NLGN1: variants seen among roughly 807,000 people sequenced by gnomAD.
The protein encoded by NLGN1 is neuroligin-1.
In NLGN1, 12 loss-of-function variants were observed where a neutral mutation model predicts 65.5. That is an observed-to-expected ratio of 0.18 (90% CI 0.12 to 0.30). NLGN1 has a LOEUF of 0.30. NLGN1 is among the 10% of genes least tolerant of loss of function. NLGN1 has a pLI of 1.00. For missense variants in NLGN1, 750 were observed against 1,007.1 expected (o/e 0.74, Z 3.46); for synonymous variants, 350 against 359.5 (o/e 0.97, Z 0.30).
intron 2 of NLGN1, among the ~76,000 whole-genome samples, chr3:173,488,436 G>A (rs1243236950): frequency 6.6e-6 from 1 of 151,824 alleles, no homozygotes; most frequent in Non-Finnish European, 1.5e-5. Context: ...TTTTCTTGAT[G>A]TGCGTTCTTT....
chr3:174,283,289 T>C (rs1248882326), exon 7 of NLGN1: 1 of 151,370 alleles, frequency 6.6e-6, no homozygotes, highest in South Asian at 2.1e-4. Flanking sequence ...AAGATGAAAC[T>C]CATAAAAATT....
intron 3 of NLGN1, among the ~76,000 whole-genome samples, chr3:173,754,024 C>CTTTTTTTTTTTTTTTTTTT (rs71162358): frequency 3.3e-5 from 4 of 121,618 alleles, no homozygotes; most frequent in Non-Finnish European, 5.0e-5. Context: ...TCTTTCTTTT[C>CTTTTTTTTTTTTTTTTTTT]TTTTTTTTTT....
At chr3:173,657,895 T>C (rs77381671) in intron 3 of NLGN1, among the ~76,000 whole-genome samples, 410 of 151,984 alleles carry the variant, frequency 2.7e-3, no homozygotes, top group African/African-American at 9.6e-3. Context: ...TTTTTTCATA[T>C]AAAATCTGAT....
chr3:173,983,089 C>T (rs566413281), intron 4 of NLGN1, among the ~76,000 whole-genome samples: 60 of 152,110 alleles, frequency 3.9e-4, no homozygotes, highest in African/African-American at 1.3e-3. Flanking sequence ...TACAAGTTTT[C>T]GAGTTCTTCT....
chr3:173,978,604 G>A (rs1718047006), intron 4 of NLGN1, among the ~76,000 whole-genome samples: 1 of 151,882 alleles, frequency 6.6e-6, no homozygotes, highest in African/African-American at 2.4e-5. Flanking sequence ...TAGCAGTCAA[G>A]AAGAAGAAAA....
chr3:174,266,616 T>A (rs968934699), intron 4 of NLGN1, among the ~76,000 whole-genome samples: 2 of 152,182 alleles, frequency 1.3e-5, no homozygotes, highest in African/African-American at 4.8e-5. Context: ...TATTTTAAGT[T>A]CTTCAAGAAA....
intron 4 of NLGN1, among the ~76,000 whole-genome samples, chr3:173,918,525 C>T (rs745809178): frequency 2.0e-5 from 3 of 147,956 alleles, no homozygotes; most frequent in Non-Finnish European, 4.5e-5. Flanking sequence ...CCCAGCTACT[C>T]GGGAGGCTGA....
chr3:174,167,326 G>T (rs375222394), intron 4 of NLGN1, among the ~76,000 whole-genome samples: 5 of 151,880 alleles, frequency 3.3e-5, no homozygotes, highest in African/African-American at 1.2e-4. Flanking sequence ...GTGGTAGCAG[G>T]TATCATTTAT....
At chr3:173,451,715 G>A (rs1047506769) in intron 2 of NLGN1, among the ~76,000 whole-genome samples, 10 of 152,190 alleles carry the variant, frequency 6.6e-5, no homozygotes, top group African/African-American at 1.9e-4. Context: ...CACCCAGTTC[G>A]AGCTTCCTGG....
At chr3:173,415,904 T>TAG (rs1553844214) in intron 1 of NLGN1, among the ~76,000 whole-genome samples, 18 of 125,446 alleles carry the variant, frequency 1.4e-4, no homozygotes, top group Middle Eastern at 4.3e-3. Context: ...TATATATATA[T>TAG]AGAGAGAGAG....
At chr3:174,084,447 A>C (rs911437848) in intron 4 of NLGN1, among the ~76,000 whole-genome samples, 1 of 152,146 alleles carries the variant, frequency 6.6e-6, no homozygotes, top group Non-Finnish European at 1.5e-5. Flanking sequence ...TCTGCTCTCT[A>C]AAAAGACAGT....
At chr3:174,288,039 TA>T (rs1430482980), downstream of NLGN1, among the ~76,000 whole-genome samples, 8 of 151,616 alleles carry the variant, frequency 5.3e-5, no homozygotes, top group Non-Finnish European at 3.0e-5. Context: ...AACATACAAC[TA>T]TTGTCAAGTT....
At chr3:174,192,780 T>A (rs925385213) in intron 4 of NLGN1, among the ~76,000 whole-genome samples, 1 of 152,178 alleles carries the variant, frequency 6.6e-6, no homozygotes, top group Non-Finnish European at 1.5e-5. Context: ...GCATCTGTTA[T>A]AACTTACTTT....
intron 3 of NLGN1, among the ~76,000 whole-genome samples, chr3:173,645,320 T>C (rs2149607582): frequency 6.6e-6 from 1 of 152,322 alleles, no homozygotes; most frequent in African/African-American, 2.4e-5. Flanking sequence ...CCTTGGCCTT[T>C]GGGGGCCCCC....
chr3:174,187,507 T>G (rs1432587505), intron 4 of NLGN1, among the ~76,000 whole-genome samples: 1 of 151,794 alleles, frequency 6.6e-6, no homozygotes, highest in African/African-American at 2.4e-5. Flanking sequence ...GCTTTCAGAG[T>G]TTAGAGAGAT....
At chr3:173,665,764 G>A (rs1273021369) in intron 3 of NLGN1, among the ~76,000 whole-genome samples, 8 of 152,162 alleles carry the variant, frequency 5.3e-5, no homozygotes, top group Non-Finnish European at 1.2e-4. Flanking sequence ...ATTTCTTAAT[G>A]TGCAGAGAAA....
chr3:174,293,915 G>A, the NLGN1 span, among the ~76,000 whole-genome samples: 7 of 151,498 alleles, frequency 4.6e-5, no homozygotes, highest in East Asian at 1.2e-3. Flanking sequence ...TTAATGCAGA[G>A]AAAAAGAGAA....
intron 4 of NLGN1, among the ~76,000 whole-genome samples, chr3:174,193,507 A>G (rs543738622): frequency 6.6e-6 from 1 of 152,186 alleles, no homozygotes; most frequent in Non-Finnish European, 1.5e-5. Flanking sequence ...GAAACAAAGG[A>G]AACAGTTTTG....
chr3:173,501,737 T>C (rs1050918278), intron 2 of NLGN1, among the ~76,000 whole-genome samples: 3 of 151,640 alleles, frequency 2.0e-5, no homozygotes, highest in African/African-American at 7.2e-5. Flanking sequence ...CTATAAATTC[T>C]ATTTTTATGT....
Sources: gnomAD v4.1 joint callset for allele counts (sites outside exome capture counted in the v4.1 genomes callset) on GRCh38, gnomAD v4.1.1 for gene constraint, MANE v1.5 for transcripts, NCBI Gene and HGNC (gene_info 2026-07-23, HGNC 2026-07-21) for gene names.